The following LRP1B variants were observed in gnomAD, a reference collection of about 807,000 sequenced individuals.
LRP1B encodes the protein low-density lipoprotein receptor-related protein 1B.
A neutral mutation model predicts 556.6 loss-of-function variants in LRP1B; 217 were observed. That is an observed-to-expected ratio of 0.39 (90% CI 0.35 to 0.44). The LOEUF is 0.44. Ranked by LOEUF, LRP1B falls within the 20% of genes least tolerant of loss-of-function variation. The pLI is 1.00. For synonymous variants in LRP1B, 2,047 were observed against 1,865.8 expected, an observed-to-expected ratio of 1.10 and a Z score of -2.50; for missense variants, 5,053 against 5,620.8, an observed-to-expected ratio of 0.90 and a Z score of 3.23.
chr2:141,104,341 A>G (rs1882642), intron 7 of LRP1B, among the ~76,000 whole-genome samples: 122,681 of 151,910 alleles, frequency 0.81, 50,140 homozygotes, highest in East Asian at 0.87. Flanking sequence ...ACAACTAAAA[A>G]AAACTCACAA....
At chr2:141,674,373 T>G (rs771776072) in intron 2 of LRP1B, among the ~76,000 whole-genome samples, 1 of 152,192 alleles carries the variant, frequency 6.6e-6, no homozygotes, top group Non-Finnish European at 1.5e-5. Flanking sequence ...ATATGTGACA[T>G]TAGTCACACA....
chr2:141,725,939 TA>T (rs1394201824), intron 2 of LRP1B, among the ~76,000 whole-genome samples: 1 of 151,906 alleles, frequency 6.6e-6, no homozygotes, highest in Non-Finnish European at 1.5e-5. Context: ...GAAACATATG[TA>T]AAATAAGGTA....
intron 1 of LRP1B, among the ~76,000 whole-genome samples, chr2:141,818,525 C>G (rs1696635700): frequency 7.9e-6 from 1 of 126,530 alleles, no homozygotes; most frequent in African/African-American, 2.9e-5. Context: ...TATAACATTT[C>G]TGTATCTTTT....
At chr2:141,762,948 C>T (rs1159503100) in intron 2 of LRP1B, among the ~76,000 whole-genome samples, 1 of 152,148 alleles carries the variant, frequency 6.6e-6, no homozygotes, top group Non-Finnish European at 1.5e-5. Context: ...GGGCATTAGC[C>T]CCAAATTGCT....
intron 43 of LRP1B, among the ~76,000 whole-genome samples, chr2:140,545,454 G>GT (rs1473064509): frequency 6.6e-6 from 1 of 151,918 alleles, no homozygotes; most frequent in Non-Finnish European, 1.5e-5. Context: ...TTTTGAGTCA[G>GT]TTTTTGTATA....
chr2:141,855,654 G>A (rs752683862), intron 1 of LRP1B, among the ~76,000 whole-genome samples: 1 of 152,088 alleles, frequency 6.6e-6, no homozygotes, highest in Non-Finnish European at 1.5e-5. Flanking sequence ...GGTAGAGACT[G>A]TTAGAGGTTT....
chr2:141,614,805 G>GT (rs972618518), intron 2 of LRP1B, among the ~76,000 whole-genome samples: 1 of 152,206 alleles, frequency 6.6e-6, no homozygotes, highest in Non-Finnish European at 1.5e-5. Flanking sequence ...CTCCAGAACT[G>GT]TGAGAGAATA....
intron 1 of LRP1B, among the ~76,000 whole-genome samples, chr2:141,933,881 A>T (rs1358906961): frequency 2.0e-5 from 3 of 152,148 alleles, no homozygotes; most frequent in Non-Finnish European, 4.4e-5. Flanking sequence ...GAGTAATATG[A>T]TCTTATACAT....
chr2:141,401,053 C>G (rs1690434178), intron 3 of LRP1B, among the ~76,000 whole-genome samples: 1 of 152,138 alleles, frequency 6.6e-6, no homozygotes, highest in Non-Finnish European at 1.5e-5. Context: ...TTTTTAAAAG[C>G]TGGCAATTAA....
At chr2:140,875,118 T>C (rs535685900) in intron 25 of LRP1B, among the ~76,000 whole-genome samples, 1 of 151,076 alleles carries the variant, frequency 6.6e-6, no homozygotes, top group South Asian at 2.1e-4. Context: ...ACAATAAAAA[T>C]AAATTGCATT....
chr2:141,972,328 G>A (rs1407636560), intron 1 of LRP1B, among the ~76,000 whole-genome samples: 1 of 151,420 alleles, frequency 6.6e-6, no homozygotes, highest in Non-Finnish European at 1.5e-5. Context: ...ATTGTTAAAT[G>A]TTATATATGC....
At chr2:140,444,860 G>A (rs1165797370) in intron 63 of LRP1B, among the ~76,000 whole-genome samples, 181 bp from the exon 64 acceptor site, 1 of 151,936 alleles carries the variant, frequency 6.6e-6, no homozygotes, top group Non-Finnish European at 1.5e-5. Context: ...CAACTCAGAT[G>A]GCCTCCAGAT....
At chr2:141,736,830 G>T (rs1286066651) in intron 2 of LRP1B, among the ~76,000 whole-genome samples, 1 of 152,030 alleles carries the variant, frequency 6.6e-6, no homozygotes, top group Non-Finnish European at 1.5e-5. Flanking sequence ...GTGACTTCAG[G>T]GGATATCTTG....
chr2:140,683,755 GTC>G, intron 41 of LRP1B: 19 of 963,462 alleles, frequency 2.0e-5, no homozygotes, highest in Non-Finnish European at 2.9e-5. Flanking sequence ...AGCCTTCTCA[GTC>G]TCTCTCTCCT....
intron 2 of LRP1B, among the ~76,000 whole-genome samples, chr2:141,516,842 C>G (rs544462036): frequency 6.6e-6 from 1 of 151,396 alleles, no homozygotes; most frequent in East Asian, 1.9e-4. Flanking sequence ...GGATTGCAGG[C>G]ACATGCCACC....
intron 6 of LRP1B, among the ~76,000 whole-genome samples, chr2:141,202,550 C>CT (rs1231537667): frequency 2.6e-5 from 4 of 152,064 alleles, no homozygotes; most frequent in African/African-American, 9.7e-5. Context: ...ATGAGTGTTC[C>CT]TTTTTTTCTC....
chr2:141,825,187 C>T (rs1167267015), intron 1 of LRP1B, among the ~76,000 whole-genome samples: 2 of 152,062 alleles, frequency 1.3e-5, no homozygotes, highest in Non-Finnish European at 2.9e-5. Context: ...TAACAACTAG[C>T]TCTGAAAAAA....
rs548757125 is a variant in LRP1B, at chr2:141,846,129, C to G, written c.83-35728G>C. 2.0e-5 allele frequency among the ~76,000 whole-genome samples: 3 copies of G among 151,430 alleles called. No homozygotes were observed. In the East Asian group the frequency reaches 5.8e-4, roughly 29 times the overall value. ...AATGGACAGAAATAATTAACAAAACCACAAGCTTTGCAAAGACAGATTTCT... is the reference window on the plus strand; with the variant it reads ...AATGGACAGAAATAATTAACAAAACGACAAGCTTTGCAAAGACAGATTTCT... On this transcript the variant is annotated intron_variant, in intron 1 of 90. Coordinates refer to ENST00000389484, the MANE Select transcript of LRP1B (RefSeq NM_018557.3).
chr2:141,464,730 C>T (rs1682114377), intron 3 of LRP1B, among the ~76,000 whole-genome samples: 1 of 151,140 alleles, frequency 6.6e-6, no homozygotes, highest in Non-Finnish European at 1.5e-5. Flanking sequence ...CTGCGCCCGT[C>T]CCTTTGCTGT....
Sources: allele counts gnomAD v4.1 joint callset (sites outside exome capture counted in the v4.1 genomes callset), GRCh38; gene constraint gnomAD v4.1.1; transcripts MANE v1.5; gene names NCBI Gene and HGNC (gene_info 2026-07-23, HGNC 2026-07-21).